Variants in DMD observed in about 807,000 individuals in gnomAD.
DMD encodes mutant dystrophin.
A neutral mutation model predicts 330.1 loss-of-function variants in DMD; 63 were observed. That is an observed-to-expected ratio of 0.19 (90% CI 0.16 to 0.24). The LOEUF is 0.24. DMD is among the 10% of genes least tolerant of loss of function. DMD has a pLI of 1.00. For synonymous variants in DMD, 1,223 were observed against 959.8 expected (o/e 1.27, Z -5.07); for missense variants, 3,344 against 2,684.1 (o/e 1.25, Z -5.43).
intron 7 of DMD, among the ~76,000 whole-genome samples, chrX:32,734,501 T>C (rs1209830195): frequency 2.8e-5 from 3 of 107,351 alleles, no homozygotes; most frequent in Non-Finnish European, 5.7e-5. Flanking sequence ...TGAACACTGA[T>C]GCAAAAATCC....
intron 1 of DMD, among the ~76,000 whole-genome samples, chrX:33,316,659 G>A (rs1397685026): frequency 1.8e-5 from 2 of 111,122 alleles, no homozygotes; most frequent in Admixed American, 1.9e-4. Flanking sequence ...TCTGGGTTCT[G>A]TATTTTATTA....
intron 1 of DMD, among the ~76,000 whole-genome samples, chrX:33,166,180 T>C (rs1269817401): frequency 1.8e-5 from 2 of 111,052 alleles, no homozygotes; most frequent in African/African-American, 6.5e-5. Flanking sequence ...GAGTGATTGA[T>C]ATAGTTTGAA....
At position 31,250,297 on chromosome X, in the gene DMD, C is replaced by T. The variant is rs769922775; in HGVS notation, c.9286+10658G>A. Among the ~76,000 whole-genome samples, 5 of 111,514 alleles carry T rather than the reference C, an allele frequency of 4.5e-5. No homozygotes were observed. In the South Asian group the frequency reaches 1.5e-3, roughly 34 times the overall value. ...TTAAACTAGGCAGCAGTGGCTCTGC[C>T]GCTTAATCTCTGGTTCCTTCCTGTA... On this transcript the variant is annotated intron_variant, in intron 63 of 78. Coordinates refer to ENST00000357033, the MANE Select transcript of DMD (RefSeq NM_004006.3).
intron 44 of DMD, among the ~76,000 whole-genome samples, chrX:32,033,836 A>G (rs1411885825): frequency 8.9e-6 from 1 of 111,869 alleles, no homozygotes; most frequent in Admixed American, 9.5e-5. Context: ...TATAAATATT[A>G]AATATGTGGC....
At chrX:32,086,702 T>C (rs1423868672) in intron 44 of DMD, among the ~76,000 whole-genome samples, 1 of 111,828 alleles carries the variant, frequency 8.9e-6, no homozygotes, top group Non-Finnish European at 1.9e-5. Context: ...CAGTAGATGC[T>C]AATTGACATT....
rs1557089171 is a variant in DMD at position 32,042,188 on chromosome X, TATAC to T, written c.6439-73678_6439-73675del. ...ACATATGTATACATATATACATACATATACACACACACACACATACACATACACA... is the reference window on the plus strand; with the variant it reads ...ACATATGTATACATATATACATACATACACACACACACATACACATACACA... On this transcript the variant is annotated intron_variant, in intron 44 of 78. Coordinates refer to ENST00000357033, the MANE Select transcript of DMD (RefSeq NM_004006.3). 1.3e-3 allele frequency among the ~76,000 whole-genome samples: 57 copies of T among 43,941 alleles called. 1 individual carries two copies. Among genetic ancestry groups the T allele is most frequent in the African/African-American group, 4.4e-3 (56 of 12,737 alleles). The allele number at this position is 43,941 out of a possible 115,157, so 38.2% of individuals were successfully genotyped here. A position where few individuals can be genotyped will look rare whatever the true frequency, so the allele number is the denominator to read the frequency against.
At chrX:32,079,632 A>AG (rs1466288458) in intron 44 of DMD, among the ~76,000 whole-genome samples, 1 of 111,196 alleles carries the variant, frequency 9.0e-6, no homozygotes, top group Non-Finnish European at 1.9e-5. Context: ...AAAAAGAAAA[A>AG]GAAAAAAAAG....
At chrX:32,699,715 G>A (rs1237999265) in intron 7 of DMD, among the ~76,000 whole-genome samples, 1 of 111,546 alleles carries the variant, frequency 9.0e-6, no homozygotes, top group Non-Finnish European at 1.9e-5. Flanking sequence ...TACCGCTTTG[G>A]TTCTCAGTAA....
chrX:31,233,531 A>C (rs1338911301), intron 63 of DMD, among the ~76,000 whole-genome samples: 1 of 111,443 alleles, frequency 9.0e-6, no homozygotes, highest in Non-Finnish European at 1.9e-5. Flanking sequence ...GGATTGCAAA[A>C]ACATACTCTT....
At chrX:33,184,581 C>T (rs2050155037) in intron 1 of DMD, among the ~76,000 whole-genome samples, 1 of 110,207 alleles carries the variant, frequency 9.1e-6, no homozygotes, top group Non-Finnish European at 1.9e-5. Context: ...AAATATAATT[C>T]CATATGACTA....
intron 44 of DMD, among the ~76,000 whole-genome samples, chrX:32,143,482 C>T (rs6631507): frequency 0.4 from 43,628 of 109,758 alleles, 6,280 homozygotes; most frequent in South Asian, 0.68. Flanking sequence ...AAATAATGAA[C>T]ACTAATTGTA....
chrX:32,277,688 G>C (rs1439510469), intron 43 of DMD, among the ~76,000 whole-genome samples: 1 of 110,587 alleles, frequency 9.0e-6, no homozygotes, highest in Non-Finnish European at 1.9e-5. Context: ...ACAAACACAT[G>C]GAAGTTAAAC....
At chrX:33,092,984 C>T (rs993830664) in intron 1 of DMD, among the ~76,000 whole-genome samples, 5 of 111,123 alleles carry the variant, frequency 4.5e-5, no homozygotes, top group African/African-American at 9.8e-5. Flanking sequence ...AGCGATTCTC[C>T]AGCCTCAGCC....
intron 5 of DMD, among the ~76,000 whole-genome samples, chrX:32,821,626 A>G (rs1260602112): frequency 9.0e-6 from 1 of 110,787 alleles, no homozygotes; most frequent in Admixed American, 9.6e-5. Flanking sequence ...AAAAATAAAA[A>G]AATTCAAGTT....
chrX:32,850,958 A>T, intron 2 of DMD, among the ~76,000 whole-genome samples: 1 of 111,842 alleles, frequency 8.9e-6, no homozygotes, highest in Non-Finnish European at 1.9e-5. Flanking sequence ...ACTATTACAT[A>T]GAAGCATTAG....
At chrX:32,719,675 AC>A (rs1424511772) in intron 7 of DMD, among the ~76,000 whole-genome samples, 5 of 111,739 alleles carry the variant, frequency 4.5e-5, no homozygotes, top group African/African-American at 9.7e-5. Flanking sequence ...ATGTAGACTT[AC>A]TTTTGTGTTC....
chrX:32,702,333 T>C (rs1603184722), intron 7 of DMD, among the ~76,000 whole-genome samples: 1 of 111,916 alleles, frequency 8.9e-6, no homozygotes, highest in South Asian at 3.7e-4. Context: ...GAATTAATTA[T>C]GCATAGGATT....
At chrX:32,670,773 C>A (rs1375194981) in intron 9 of DMD, among the ~76,000 whole-genome samples, 1 of 111,988 alleles carries the variant, frequency 8.9e-6, no homozygotes, top group African/African-American at 3.2e-5. Flanking sequence ...TGCAACCTGT[C>A]AGAATTTTCT....
chrX:32,706,519 G>A (rs1603214743), intron 7 of DMD, among the ~76,000 whole-genome samples: 1 of 109,560 alleles, frequency 9.1e-6, no homozygotes, highest in African/African-American at 3.3e-5. Flanking sequence ...AGCTGAGATC[G>A]GGCCACTGCA....
Sources: allele counts gnomAD v4.1 joint callset (sites outside exome capture counted in the v4.1 genomes callset), GRCh38; gene constraint gnomAD v4.1.1; transcripts MANE v1.5; gene names NCBI Gene and HGNC (gene_info 2026-07-23, HGNC 2026-07-21).